DCC: variants seen among roughly 807,000 people sequenced by gnomAD.
DCC encodes the protein netrin receptor DCC.
In DCC, 58 loss-of-function variants were observed where a neutral mutation model predicts 172.5. The observed-to-expected ratio is 0.34, with a 90% confidence interval of 0.27 to 0.42. DCC has a LOEUF of 0.42. Among genes scored for constraint, DCC ranks in the 10% least tolerant of loss-of-function variants. The pLI is 1.00. For missense variants in DCC, 1,740 were observed against 1,791.0 expected, an observed-to-expected ratio of 0.97 and a Z score of 0.51; for synonymous variants, 709 against 644.5, an observed-to-expected ratio of 1.10 and a Z score of -1.52.
chr18:52,925,289 G>A lies in DCC; in HGVS notation c.904G>A (p.Asp302Asn), dbSNP rs199916477. Reference sequence around the variant, plus strand: ...CAACTTGCTTATCTCCAATGTGACAGATGATGACAGTGGAATGTATACCTG... The same window carrying A: ...CAACTTGCTTATCTCCAATGTGACAAATGATGACAGTGGAATGTATACCTG... ...GSNLLISNVT[D>N]DDSGMYTCVV... Residue 302 changes from aspartate to asparagine, a missense_variant, in exon 5 of 29, where the codon GAT (aspartate) becomes AAT (asparagine). Transcript: ENST00000442544. 1.2e-6 allele frequency: 2 copies of A among 1,612,204 alleles called. No individual in the cohort carries two copies. The highest frequency in any genetic ancestry group is 4.5e-5 in the East Asian group (2 of 44,804).
chr18:53,231,495 C>T (rs759210737), intron 12 of DCC, among the ~76,000 whole-genome samples: 9 of 152,114 alleles, frequency 5.9e-5, no homozygotes, highest in African/African-American at 7.2e-5. Context: ...TCACCTAATG[C>T]AAGCAATCAG....
At chr18:52,686,452 C>T (rs1411304562) in intron 1 of DCC, among the ~76,000 whole-genome samples, 2 of 152,088 alleles carry the variant, frequency 1.3e-5, no homozygotes, top group East Asian at 1.9e-4. Flanking sequence ...ACCAAAGAAA[C>T]ACAACAGTAT....
chr18:52,381,281 G>C (rs765333304), intron 1 of DCC, among the ~76,000 whole-genome samples: 26 of 152,122 alleles, frequency 1.7e-4, no homozygotes, highest in Non-Finnish European at 3.1e-4. Context: ...TTTACTTAAG[G>C]GGGAGGTGAT....
At position 52,643,885 on chromosome 18, in the gene DCC, A is replaced by G. The variant is rs76587341; in HGVS notation, c.92-108169A>G. Among the ~76,000 whole-genome samples, 1,028 of 152,278 alleles carry G rather than the reference A, an allele frequency of 6.8e-3. 14 individuals carry two copies. The highest frequency in any genetic ancestry group is 0.023 in the African/African-American group (969 of 41,560). On this transcript the variant is annotated intron_variant, in intron 1 of 28. Coordinates refer to ENST00000442544, the MANE Select transcript of DCC (RefSeq NM_005215.4). ...TCCTGACAAGTATAGAGTACCTTAC[A>G]ACTTTTGGCCCTTGCTGTGCCAAAA...
intron 16 of DCC, among the ~76,000 whole-genome samples, chr18:53,390,234 C>T (rs1908451561): frequency 6.8e-6 from 1 of 146,370 alleles, no homozygotes; most frequent in Non-Finnish European, 1.5e-5. Flanking sequence ...AAATTTTAAA[C>T]ACAACTCTCT....
At chr18:52,768,030 A>G (rs1294798127) in intron 2 of DCC, among the ~76,000 whole-genome samples, 3 of 152,186 alleles carry the variant, frequency 2.0e-5, no homozygotes, top group Non-Finnish European at 4.4e-5. Context: ...TGGAGGAGGA[A>G]AGCAATTTGG....
At chr18:52,346,538 G>A (rs1482880485) in intron 1 of DCC, among the ~76,000 whole-genome samples, 1 of 152,194 alleles carries the variant, frequency 6.6e-6, no homozygotes, top group Non-Finnish European at 1.5e-5. Flanking sequence ...AGAAATACCT[G>A]AGCTTTGTCC....
chr18:52,790,264 G>T (rs915033444), intron 2 of DCC, among the ~76,000 whole-genome samples: 1 of 152,146 alleles, frequency 6.6e-6, no homozygotes, highest in Non-Finnish European at 1.5e-5. Context: ...GGGATCCTGG[G>T]TCTGCATCCT....
chr18:52,856,061 C>T (rs1049120325), intron 2 of DCC, among the ~76,000 whole-genome samples: 20 of 151,694 alleles, frequency 1.3e-4, no homozygotes, highest in East Asian at 3.9e-4. Context: ...CACCGCGCCC[C>T]GCCATTAGAG....
At chr18:52,887,058 G>A (rs114938090) in intron 2 of DCC, among the ~76,000 whole-genome samples, 2,305 of 152,268 alleles carry the variant, frequency 0.015, 43 homozygotes, top group African/African-American at 0.039. Context: ...GCAGACTGGA[G>A]TGGAGTAGCC....
intron 1 of DCC, among the ~76,000 whole-genome samples, chr18:52,490,150 C>T (rs750122454): frequency 6.6e-6 from 1 of 152,008 alleles, no homozygotes; most frequent in Non-Finnish European, 1.5e-5. Context: ...CCACTAGAGG[C>T]TAAAAGCAGC....
chr18:53,507,783 G>A (rs1255917244), intron 27 of DCC, among the ~76,000 whole-genome samples: 1 of 151,776 alleles, frequency 6.6e-6, no homozygotes, highest in African/African-American at 2.4e-5. Flanking sequence ...TTTTCAAAGT[G>A]CTCTTCTAAA....
intron 11 of DCC, among the ~76,000 whole-genome samples, chr18:53,209,336 G>GA (rs2055709609): frequency 6.6e-6 from 1 of 152,148 alleles, no homozygotes; most frequent in Admixed American, 6.5e-5. Flanking sequence ...AACTCAGGCA[G>GA]GTGCAGAAAT....
At chr18:52,381,631 G>A (rs1210337200) in intron 1 of DCC, among the ~76,000 whole-genome samples, 1 of 152,088 alleles carries the variant, frequency 6.6e-6, no homozygotes, top group Non-Finnish European at 1.5e-5. Context: ...CCACCACTGA[G>A]GGGGCTCCAG....
chr18:53,036,975 G>A (rs1374893190), intron 5 of DCC, among the ~76,000 whole-genome samples: 1 of 151,962 alleles, frequency 6.6e-6, no homozygotes, highest in Non-Finnish European at 1.5e-5. Flanking sequence ...TATTTTTCAA[G>A]CAGGTAGTAG....
In DCC at chr18:52,552,040, A is replaced by G. The variant is rs139617023; in HGVS notation, c.92-200014A>G. 6.6e-5 allele frequency among the ~76,000 whole-genome samples: 10 copies of G among 152,200 alleles called. No homozygotes were observed. The East Asian group carries it at 1.9e-3, about 29-fold the overall frequency. ...CCTGGACTTCTAGATATCAAAGCCT[A>G]TAGGCCTAGAGAAATAAATCATTGA... On this transcript the variant is annotated intron_variant, in intron 1 of 28. Transcript: ENST00000442544.
intron 7 of DCC, among the ~76,000 whole-genome samples, chr18:53,084,575 T>C (rs2042852704): frequency 6.6e-6 from 1 of 152,318 alleles, no homozygotes; most frequent in East Asian, 1.9e-4. Flanking sequence ...CCAGATCTTC[T>C]GTTTCAGCTT....
At chr18:52,417,460 A>G (rs1987079483) in intron 1 of DCC, among the ~76,000 whole-genome samples, 1 of 152,064 alleles carries the variant, frequency 6.6e-6, no homozygotes, top group Non-Finnish European at 1.5e-5. Flanking sequence ...AATATCCTGG[A>G]GAGTGTTTTC....
chr18:52,487,171 C>G (rs1283291146), intron 1 of DCC, among the ~76,000 whole-genome samples: 2 of 152,034 alleles, frequency 1.3e-5, no homozygotes, highest in African/African-American at 4.8e-5. Flanking sequence ...CTGGATTTTG[C>G]AAATATAAGG....
Sources: gnomAD v4.1 joint callset for allele counts (sites outside exome capture counted in the v4.1 genomes callset) on GRCh38, gnomAD v4.1.1 for gene constraint, MANE v1.5 for transcripts, NCBI Gene and HGNC (gene_info 2026-07-23, HGNC 2026-07-21) for gene names.